TENM4: variants seen among roughly 807,000 people sequenced by gnomAD.
TENM4 encodes teneurin-4.
A neutral mutation model predicts 243.3 loss-of-function variants in TENM4; 82 were observed. That is an observed-to-expected ratio of 0.34 (90% CI 0.28 to 0.40). The LOEUF (loss-of-function observed/expected upper bound fraction) is 0.40. Among genes scored for constraint, TENM4 ranks in the 10% least tolerant of loss-of-function variants. TENM4 has a pLI of 1.00. For synonymous variants in TENM4, 1,412 were observed against 1,456.3 expected (o/e 0.97, Z 0.69); for missense variants, 3,138 against 3,673.3 (o/e 0.85, Z 3.77).
intron 1 of TENM4, among the ~76,000 whole-genome samples, chr11:79,329,663 G>C (rs2135442145): frequency 6.6e-6 from 1 of 152,306 alleles, no homozygotes; most frequent in South Asian, 2.1e-4. Flanking sequence ...CCCAGCAGGA[G>C]AAGCACAAAG....
chr11:79,114,884 G>T (rs1013380550), intron 4 of TENM4, among the ~76,000 whole-genome samples: 8 of 152,150 alleles, frequency 5.3e-5, no homozygotes, highest in African/African-American at 1.9e-4. Flanking sequence ...AGAGAATAAG[G>T]GGTATTCAGT....
chr11:79,159,052 A>G (rs10501434), intron 3 of TENM4, among the ~76,000 whole-genome samples: 20,865 of 152,196 alleles, frequency 0.14, 1,925 homozygotes, highest in Non-Finnish European at 0.21. Flanking sequence ...TGTAATTTCC[A>G]GGCCAAGAAA....
intron 30 of TENM4, among the ~76,000 whole-genome samples, chr11:78,672,616 G>C (rs185258109): frequency 5.9e-5 from 9 of 152,316 alleles, no homozygotes; most frequent in African/African-American, 1.9e-4. Flanking sequence ...AAGAGGATCT[G>C]CATGTTTTCT....
At chr11:79,100,820 G>C (rs1024089796) in intron 4 of TENM4, among the ~76,000 whole-genome samples, 13 of 152,120 alleles carry the variant, frequency 8.5e-5, no homozygotes, top group African/African-American at 2.7e-4. Flanking sequence ...GTGGACAAAA[G>C]GTATTTAGCA....
chr11:79,238,580 C>A (rs1339902080), intron 2 of TENM4, among the ~76,000 whole-genome samples: 1 of 152,194 alleles, frequency 6.6e-6, no homozygotes, highest in African/African-American at 2.4e-5. Flanking sequence ...AACTACACCA[C>A]TGGCTTTCCT....
intron 1 of TENM4, among the ~76,000 whole-genome samples, chr11:79,317,452 C>T (rs563997722): frequency 6.6e-6 from 1 of 152,266 alleles, no homozygotes; most frequent in Admixed American, 6.5e-5. Flanking sequence ...TTCCTCGGAA[C>T]CCTAAGTTAG....
intron 4 of TENM4, among the ~76,000 whole-genome samples, chr11:79,130,589 C>T (rs1288094217): frequency 2.0e-5 from 3 of 152,102 alleles, no homozygotes; most frequent in African/African-American, 7.2e-5. Flanking sequence ...TTTGGGAGGC[C>T]AAGGCGGGTG....
intron 2 of TENM4, among the ~76,000 whole-genome samples, chr11:79,276,328 C>G (rs183620509): frequency 6.6e-6 from 1 of 152,230 alleles, no homozygotes; most frequent in Non-Finnish European, 1.5e-5. Flanking sequence ...CCTTGTGCCC[C>G]GGTGCCGGGC....
intron 6 of TENM4, among the ~76,000 whole-genome samples, chr11:79,064,332 G>A (rs1468914408): frequency 6.6e-6 from 1 of 152,108 alleles, no homozygotes; most frequent in African/African-American, 2.4e-5. Flanking sequence ...CGTTCCTAGA[G>A]GTTGCCCAGG....
intron 1 of TENM4, among the ~76,000 whole-genome samples, chr11:79,398,737 TAAAAAAAA>T (rs5792854): frequency 2.9e-5 from 3 of 102,784 alleles, no homozygotes; most frequent in African/African-American, 1.2e-4. Flanking sequence ...TCAGATGCTT[TAAAAAAAA>T]AAAAAAAAAA....
At chr11:78,688,248 T>C (rs781709911) in intron 28 of TENM4, 22 bp from the exon 29 acceptor site, 2 of 1,605,526 alleles carry the variant, frequency 1.2e-6, no homozygotes, top group South Asian at 2.2e-5. Flanking sequence ...GGGGTGGCAC[T>C]GAGTAGTAGA....
At chr11:79,286,413 A>T (rs963747499) in intron 2 of TENM4, among the ~76,000 whole-genome samples, 2 of 149,488 alleles carry the variant, frequency 1.3e-5, no homozygotes, top group African/African-American at 4.9e-5. Flanking sequence ...GCACTTTGGG[A>T]GGTGGAGGTG....
chr11:79,139,067 CTATAAAT>C (rs1565220119), intron 4 of TENM4, among the ~76,000 whole-genome samples: 1,474 of 5,842 alleles, frequency 0.25, 355 homozygotes, highest in Middle Eastern at 0.33. Flanking sequence ...TATTATATTT[CTATAAAT>C]ATATATTATA....
intron 6 of TENM4, among the ~76,000 whole-genome samples, chr11:79,010,969 C>G (rs1858627286): frequency 6.6e-6 from 1 of 152,028 alleles, no homozygotes; most frequent in African/African-American, 2.4e-5. Flanking sequence ...TTCTCTGGGC[C>G]TTAGTTTTCT....
rs140601815 is a variant in TENM4 at position 78,959,595 on chromosome 11, C to A, written c.494-56072G>T. On this transcript the variant is annotated intron_variant, in intron 6 of 33. Transcript: ENST00000278550. ...CCCCAGAGGAACAGACCAGTAAGGA[C>A]CCAGACTCTTCCTTCAGGCATGAGA... is the stretch of plus-strand genomic sequence containing the variant. Among the ~76,000 whole-genome samples, 397 of 152,204 alleles carry A rather than the reference C, an allele frequency of 2.6e-3. 2 individuals are homozygous for A. Among genetic ancestry groups the A allele is most frequent in the African/African-American group, 8.4e-3 (350 of 41,512 alleles).
intron 3 of TENM4, among the ~76,000 whole-genome samples, chr11:79,155,200 G>A (rs183016713): frequency 1.1e-3 from 165 of 152,256 alleles, no homozygotes; most frequent in Middle Eastern, 6.8e-3. Context: ...GGACAGATCC[G>A]GAGTATCTGG....
rs554916684 is a variant in TENM4, at chr11:79,314,838, G to A, written c.-320-17295C>T. Among the ~76,000 whole-genome samples, 35 of 152,268 alleles carry A rather than the reference G, an allele frequency of 2.3e-4. No individual in the cohort carries two copies. The South Asian group carries it at 7.1e-3, about 31-fold the overall frequency. On this transcript the variant is annotated intron_variant, in intron 1 of 33. Transcript: ENST00000278550. ...ACTTAGAAAACTTTAAAAAATATTGGTGCCCTGGCTCCATACCCAGAAACT... is the reference window on the plus strand; with the variant it reads ...ACTTAGAAAACTTTAAAAAATATTGATGCCCTGGCTCCATACCCAGAAACT...
At chr11:79,235,802 C>T (rs921541596) in intron 2 of TENM4, among the ~76,000 whole-genome samples, 4 of 152,204 alleles carry the variant, frequency 2.6e-5, no homozygotes, top group African/African-American at 9.7e-5. Context: ...ACACTCCCTT[C>T]TCCAGGCCCC....
At chr11:78,930,932 G>A (rs911981754) in intron 6 of TENM4, among the ~76,000 whole-genome samples, 3 of 152,174 alleles carry the variant, frequency 2.0e-5, no homozygotes, top group Non-Finnish European at 4.4e-5. Context: ...TACGGTCCAG[G>A]GGAAGGGTTC....
Sources: gnomAD v4.1 joint callset for allele counts (sites outside exome capture counted in the v4.1 genomes callset) on GRCh38, gnomAD v4.1.1 for gene constraint, MANE v1.5 for transcripts, NCBI Gene and HGNC (gene_info 2026-07-23, HGNC 2026-07-21) for gene names.